NSMAF: variants seen among roughly 807,000 people sequenced by gnomAD.
NSMAF encodes protein FAN.
NSMAF carries 90 observed loss-of-function variants against 134.9 expected under a neutral mutation model. That is an observed-to-expected ratio of 0.67 (90% confidence interval 0.56 to 0.79). The LOEUF is 0.79. NSMAF is among the 30% of genes least tolerant of loss of function. The pLI, the probability that NSMAF is intolerant of heterozygous loss-of-function variation, is 0.00. For missense variants in NSMAF, 1,010 were observed against 1,119.0 expected, an observed-to-expected ratio of 0.90 and a Z score of 1.39; for synonymous variants, 358 against 389.6, an observed-to-expected ratio of 0.92 and a Z score of 0.96.
chr8:58,621,814 A>C (rs1214953778), intron 9 of NSMAF, among the ~76,000 whole-genome samples: 1 of 152,074 alleles, frequency 6.6e-6, no homozygotes, highest in African/African-American at 2.4e-5. Context: ...ACCTTGGCCT[A>C]CTTTTTAATG....
chr8:58,588,880 C>G (rs1805956834), intron 26 of NSMAF: 1 of 675,602 alleles, frequency 1.5e-6, no homozygotes, highest in African/African-American at 1.8e-5. Context: ...CTTTCTAACT[C>G]TGCTATTGAA....
At chr8:58,637,214 G>A (rs1807196622) in intron 2 of NSMAF, 1 of 382,552 alleles carries the variant, frequency 2.6e-6, no homozygotes, top group Admixed American at 2.9e-5. Flanking sequence ...ATTTACAGTA[G>A]TCTTTGATAC....
chr8:58,596,445 A>G lies in NSMAF; in HGVS notation c.1793-786T>C, dbSNP rs1806137216. On this transcript the variant is annotated intron_variant, in intron 21 of 30. Transcript: ENST00000038176. ...CTGTAGGTTTGAAGTTGTCTTAGGT[A>G]AAATCTAAAACCTGGGTAACTGGAG... is the stretch of plus-strand genomic sequence containing the variant. 2.0e-5 allele frequency among the ~76,000 whole-genome samples: 3 copies of G among 152,322 alleles called. No individual in the cohort carries two copies. In the South Asian group the frequency reaches 6.2e-4, roughly 32 times the overall value.
intron 2 of NSMAF, 137 bp downstream of exon 2, chr8:58,642,839 ATAAAAGTC>A: frequency 1.5e-6 from 1 of 671,382 alleles, no homozygotes; most frequent in Non-Finnish European, 2.6e-6. Flanking sequence ...ATAATCCTCA[ATAAAAGTC>A]TAAATAAAAT....
At chr8:58,658,972 C>T in intron 1 of NSMAF, among the ~76,000 whole-genome samples, 1 of 152,198 alleles carries the variant, frequency 6.6e-6, no homozygotes, top group Non-Finnish European at 1.5e-5. Context: ...TGGCTTTCCT[C>T]AGAATCAGGC....
chr8:58,598,264 T>C (rs528677420), intron 19 of NSMAF, among the ~76,000 whole-genome samples: 1 of 152,020 alleles, frequency 6.6e-6, no homozygotes, highest in Non-Finnish European at 1.5e-5. Context: ...AGTTCATTTA[T>C]TAAAAAAAGA....
At chr8:58,631,749 A>T (rs1421829805) in intron 5 of NSMAF, among the ~76,000 whole-genome samples, 1 of 152,172 alleles carries the variant, frequency 6.6e-6, no homozygotes, top group Non-Finnish European at 1.5e-5. Flanking sequence ...TTAAAAAGAG[A>T]ATCATCCAGG....
chr8:58,656,746 C>T (rs1012012285), intron 1 of NSMAF, among the ~76,000 whole-genome samples: 1 of 152,032 alleles, frequency 6.6e-6, no homozygotes, highest in African/African-American at 2.4e-5. Flanking sequence ...AGGAGAATGG[C>T]GTGAACCCAG....
rs544692447 is a variant in NSMAF, at chr8:58,604,158, G to C, written c.869-772C>G. 7.9e-5 allele frequency among the ~76,000 whole-genome samples: 12 copies of C among 152,186 alleles called. No individual in the cohort carries two copies. The East Asian group carries it at 2.3e-3, about 29-fold the overall frequency. On this transcript the variant is annotated intron_variant, in intron 12 of 30. Coordinates refer to ENST00000038176, the MANE Select transcript of NSMAF (RefSeq NM_003580.4). ...ATTTATTCTCATCTACTTTTACCAA[G>C]TTTCTTCTTTAATCAGCTACTAGGA...
rs116564295 is a variant in NSMAF at position 58,640,930 on chromosome 8, A to C, written c.149+2054T>G. On this transcript the variant is annotated intron_variant, in intron 2 of 30. Coordinates refer to ENST00000038176, the MANE Select transcript of NSMAF (RefSeq NM_003580.4). ...CTTTTTTATTTTTATTTATTGATTG[A>C]TTTATTTTTGAGACAGAGTCTTGCT... Among the ~76,000 whole-genome samples, 480 of 151,264 alleles carry C rather than the reference A, an allele frequency of 3.2e-3. 3 individuals are homozygous for C. The highest frequency in any genetic ancestry group is 0.011 in the African/African-American group (463 of 41,188).
intron 6 of NSMAF, among the ~76,000 whole-genome samples, chr8:58,624,035 A>ATTTTTTTTTTTTTTTTTTTTTTTTT (rs11431046): frequency 1.0e-5 from 1 of 99,098 alleles, no homozygotes; most frequent in Non-Finnish European, 1.9e-5. Flanking sequence ...TAGAGTTAGG[A>ATTTTTTTTTTTTTTTTTTTTTTTTT]TTTTTTTTTT....
intron 24 of NSMAF, among the ~76,000 whole-genome samples, chr8:58,590,427 T>C (rs1202509694): frequency 6.6e-6 from 1 of 152,204 alleles, no homozygotes; most frequent in Non-Finnish European, 1.5e-5. Context: ...TACAGACTTG[T>C]GTGGGTAAGA....
At chr8:58,617,677 A>T (rs538871740) in intron 9 of NSMAF, among the ~76,000 whole-genome samples, 8 of 152,200 alleles carry the variant, frequency 5.3e-5, no homozygotes, top group Non-Finnish European at 8.8e-5. Context: ...ACTGGAGAGG[A>T]TGTGGAGAAA....
At chr8:58,605,276 T>C (rs1207313801) in intron 12 of NSMAF, among the ~76,000 whole-genome samples, 1 of 152,156 alleles carries the variant, frequency 6.6e-6, no homozygotes, top group African/African-American at 2.4e-5. Context: ...GCATAGAAGG[T>C]TCACATGTTC....
chr8:58,585,601 G>A (rs368891547), intron 30 of NSMAF, 51 bp downstream of exon 30: 196 of 1,316,346 alleles, frequency 1.5e-4, no homozygotes, highest in Non-Finnish European at 2.0e-4. Flanking sequence ...AGGCAGGCTT[G>A]AGTTCATTAT....
rs181584517 is a variant in NSMAF at position 58,656,697 on chromosome 8, A to G, written c.59+2876T>C. Among the ~76,000 whole-genome samples, 1,326 of 151,788 alleles carry G rather than the reference A, an allele frequency of 8.7e-3. 22 individuals carry two copies. Among genetic ancestry groups the G allele is most frequent in the African/African-American group, 0.03 (1,247 of 41,376 alleles). Reference sequence around the variant, plus strand: ...TACAAAAAATTAGCCGGGCGTGGTGACAGGCGCCTGTAGTCCCAGCTACTT... The same window carrying G: ...TACAAAAAATTAGCCGGGCGTGGTGGCAGGCGCCTGTAGTCCCAGCTACTT... On this transcript the variant is annotated intron_variant, in intron 1 of 30. Coordinates refer to ENST00000038176, the MANE Select transcript of NSMAF (RefSeq NM_003580.4).
intron 2 of NSMAF, among the ~76,000 whole-genome samples, chr8:58,638,622 C>G (rs902736607): frequency 2.6e-5 from 4 of 152,002 alleles, no homozygotes; most frequent in Admixed American, 6.6e-5. Context: ...ACATAAAAAT[C>G]TACTTGAAAT....
chr8:58,597,599 C>T (rs988974079), intron 20 of NSMAF, 49 bp from the exon 21 acceptor site: 1 of 1,560,474 alleles, frequency 6.4e-7, no homozygotes, highest in Non-Finnish European at 8.8e-7. Flanking sequence ...GTTCGAGTTC[C>T]TTGAAAGCAC....
intron 9 of NSMAF, among the ~76,000 whole-genome samples, chr8:58,619,242 T>A (rs1183563580): frequency 6.6e-6 from 1 of 152,190 alleles, no homozygotes; most frequent in Non-Finnish European, 1.5e-5. Context: ...AACACATTAC[T>A]GGCCAGATGG....
Sources: allele counts gnomAD v4.1 joint callset (sites outside exome capture counted in the v4.1 genomes callset), GRCh38; gene constraint gnomAD v4.1.1; transcripts MANE v1.5; gene names NCBI Gene and HGNC (gene_info 2026-07-23, HGNC 2026-07-21).